The following RALYL variants were observed in gnomAD, a reference collection of about 807,000 sequenced individuals.
RALYL encodes RALY RNA binding protein like.
A neutral mutation model predicts 35.1 loss-of-function variants in RALYL; 29 were observed. The ratio of observed to expected loss-of-function variants is 0.83; its 90% CI spans 0.61 to 1.13. RALYL has a LOEUF of 1.13. RALYL is among the 50% of genes most tolerant of loss of function. RALYL has a pLI of 0.00. For synonymous variants in RALYL, 120 were observed against 127.6 expected, an observed-to-expected ratio of 0.94 and a Z score of 0.40; for missense variants, 359 against 360.4, an observed-to-expected ratio of 1.00 and a Z score of 0.03.
At chr8:84,844,128 T>G (rs958890105) in intron 4 of RALYL, among the ~76,000 whole-genome samples, 9 of 152,056 alleles carry the variant, frequency 5.9e-5, no homozygotes, top group Non-Finnish European at 1.2e-4. Context: ...GGGATCTAAT[T>G]AAACTAAAGA....
At chr8:84,194,752 C>T (rs1375766160) in intron 1 of RALYL, among the ~76,000 whole-genome samples, 1 of 152,082 alleles carries the variant, frequency 6.6e-6, no homozygotes, top group Non-Finnish European at 1.5e-5. Flanking sequence ...CTGAGAAATG[C>T]TTAGTCAGAT....
At chr8:84,564,937 G>T (rs1008138160) in intron 2 of RALYL, among the ~76,000 whole-genome samples, 1 of 151,518 alleles carries the variant, frequency 6.6e-6, no homozygotes, top group African/African-American at 2.4e-5. Context: ...TGCTCATGCC[G>T]CATTCATGCA....
At chr8:84,915,427 G>T (rs1052312859) in intron 8 of RALYL, among the ~76,000 whole-genome samples, 7 of 151,956 alleles carry the variant, frequency 4.6e-5, no homozygotes, top group African/African-American at 1.5e-4. Context: ...CTCACATTCT[G>T]CCTGGCTATC....
chr8:84,519,590 T>C (rs891218528), intron 1 of RALYL, among the ~76,000 whole-genome samples: 1 of 152,194 alleles, frequency 6.6e-6, no homozygotes, highest in Non-Finnish European at 1.5e-5. Context: ...CTTAGACCAA[T>C]GGCAGATATA....
intron 1 of RALYL, among the ~76,000 whole-genome samples, chr8:84,398,350 TC>T (rs1302191538): frequency 1.3e-5 from 2 of 152,130 alleles, no homozygotes; most frequent in Non-Finnish European, 2.9e-5. Flanking sequence ...TCTCTTTTTT[TC>T]ATATATTGTA....
intron 1 of RALYL, among the ~76,000 whole-genome samples, chr8:84,217,015 C>T (rs1820991407): frequency 6.6e-6 from 1 of 152,092 alleles, no homozygotes; most frequent in Non-Finnish European, 1.5e-5. Flanking sequence ...CATAGATCAA[C>T]TTTGTAATGA....
intron 1 of RALYL, among the ~76,000 whole-genome samples, chr8:84,366,375 T>A (rs1175509337): frequency 2.6e-5 from 4 of 152,074 alleles, no homozygotes; most frequent in Non-Finnish European, 5.9e-5. Flanking sequence ...TAATTTGCAG[T>A]TTAGTTAGAA....
intron 1 of RALYL, among the ~76,000 whole-genome samples, chr8:84,194,764 G>C (rs553177652): frequency 1.1e-3 from 161 of 152,200 alleles, no homozygotes; most frequent in Non-Finnish European, 1.9e-3. Context: ...TAGTCAGATA[G>C]AGCCTCATCT....
intron 1 of RALYL, among the ~76,000 whole-genome samples, chr8:84,202,882 A>T (rs949748023): frequency 2.6e-5 from 4 of 152,178 alleles, no homozygotes; most frequent in African/African-American, 7.2e-5. Context: ...CAGTACGTAC[A>T]TGTATATTAG....
At chr8:84,311,334 G>A (rs552063324) in intron 1 of RALYL, among the ~76,000 whole-genome samples, 1 of 151,758 alleles carries the variant, frequency 6.6e-6, no homozygotes, top group South Asian at 2.1e-4. Flanking sequence ...TGTTTTCCAG[G>A]CATATAAGCA....
intron 1 of RALYL, among the ~76,000 whole-genome samples, chr8:84,270,174 T>C (rs1056387513): frequency 3.3e-5 from 5 of 152,240 alleles, no homozygotes; most frequent in Admixed American, 3.3e-4. Context: ...CAAATTGTCT[T>C]TTACACCTGC....
At chr8:84,789,662 A>G (rs1820336717) in intron 3 of RALYL, among the ~76,000 whole-genome samples, 1 of 152,180 alleles carries the variant, frequency 6.6e-6, no homozygotes, top group Admixed American at 6.5e-5. Context: ...GTTCGAGACC[A>G]GCTTGGGCAA....
At chr8:84,309,881 C>T (rs747167419) in intron 1 of RALYL, among the ~76,000 whole-genome samples, 50 of 152,090 alleles carry the variant, frequency 3.3e-4, no homozygotes, top group Middle Eastern at 3.4e-3. Context: ...CCCGCCACCA[C>T]GACCGGCTAA....
chr8:84,410,727 G>A (rs1044543890), intron 1 of RALYL, among the ~76,000 whole-genome samples: 5 of 151,520 alleles, frequency 3.3e-5, no homozygotes, highest in African/African-American at 4.8e-5. Flanking sequence ...GATTTAATAC[G>A]AAACATTTTC....
chr8:84,233,781 T>C (rs543376463), intron 1 of RALYL, among the ~76,000 whole-genome samples: 82 of 152,334 alleles, frequency 5.4e-4, no homozygotes, highest in African/African-American at 1.9e-3. Flanking sequence ...ACTTTCTAGT[T>C]GGTCTTGTTT....
chr8:84,641,439 A>G (rs1564292948), intron 2 of RALYL, among the ~76,000 whole-genome samples: 3 of 151,940 alleles, frequency 2.0e-5, no homozygotes, highest in Middle Eastern at 3.4e-3. Context: ...TTCCTACATC[A>G]TAATATTTTC....
chr8:84,832,228 C>G (rs1294803166), intron 4 of RALYL, among the ~76,000 whole-genome samples: 1 of 152,028 alleles, frequency 6.6e-6, no homozygotes, highest in Non-Finnish European at 1.5e-5. Flanking sequence ...TAAATTTTAT[C>G]AAATGCCTCT....
intron 1 of RALYL, among the ~76,000 whole-genome samples, chr8:84,476,424 A>C (rs1019131449): frequency 1.3e-5 from 2 of 152,196 alleles, no homozygotes; most frequent in African/African-American, 4.8e-5. Flanking sequence ...AAGCAAAGCC[A>C]TGCAAGGTAA....
intron 3 of RALYL, among the ~76,000 whole-genome samples, chr8:84,801,091 G>T (rs1262157570): frequency 6.6e-6 from 1 of 152,266 alleles, no homozygotes; most frequent in South Asian, 2.1e-4. Flanking sequence ...CAGCTAAGCA[G>T]TTGGTTTCAA....
Sources: gnomAD v4.1 joint callset for allele counts (sites outside exome capture counted in the v4.1 genomes callset) on GRCh38, gnomAD v4.1.1 for gene constraint, MANE v1.5 for transcripts, NCBI Gene and HGNC (gene_info 2026-07-23, HGNC 2026-07-21) for gene names.